SND1: variants seen among roughly 807,000 people sequenced by gnomAD.
SND1 encodes the protein staphylococcal nuclease and tudor domain containing 1, also known as staphylococcal nuclease domain-containing protein 1.
A neutral mutation model predicts 121.7 loss-of-function variants in SND1; 38 were observed. The ratio of observed to expected loss-of-function variants is 0.31; its 90% confidence interval spans 0.24 to 0.41. The LOEUF is 0.41. Ranked by LOEUF, SND1 falls within the 10% of genes least tolerant of loss-of-function variation. SND1 has a pLI of 1.00. For synonymous variants in SND1, 401 were observed against 447.4 expected, an observed-to-expected ratio of 0.90 and a Z score of 1.31; for missense variants, 868 against 1,184.6, an observed-to-expected ratio of 0.73 and a Z score of 3.92.
chr7:127,690,463 G>A (rs1795893820), intron 2 of SND1, among the ~76,000 whole-genome samples: 1 of 152,176 alleles, frequency 6.6e-6, no homozygotes, highest in African/African-American at 2.4e-5. Flanking sequence ...AGCACCTGCT[G>A]TCTTTTAAGA....
chr7:127,994,076 C>A (rs1044913555), intron 16 of SND1, among the ~76,000 whole-genome samples: 4 of 152,222 alleles, frequency 2.6e-5, no homozygotes, highest in African/African-American at 9.6e-5. Context: ...TGCAGGAGTT[C>A]CTGCCTGAAT....
chr7:127,780,867 GGT>G (rs1797707563), intron 10 of SND1, among the ~76,000 whole-genome samples: 1 of 152,216 alleles, frequency 6.6e-6, no homozygotes, highest in African/African-American at 2.4e-5. Flanking sequence ...AGTTGCCTAA[GGT>G]GTCCTATGGC....
At chr7:127,938,026 T>G (rs1801099099) in intron 15 of SND1, among the ~76,000 whole-genome samples, 1 of 152,246 alleles carries the variant, frequency 6.6e-6, no homozygotes, top group African/African-American at 2.4e-5. Context: ...ACTTAATGGA[T>G]ATTTGTAAAG....
intron 10 of SND1, among the ~76,000 whole-genome samples, chr7:127,729,187 C>G (rs939305825): frequency 5.9e-5 from 9 of 152,178 alleles, no homozygotes; most frequent in African/African-American, 2.2e-4. Context: ...AGCACCTCTA[C>G]TCTGATTCAG....
At chr7:127,653,664 C>T (rs1008415038) in intron 1 of SND1, among the ~76,000 whole-genome samples, 2 of 152,086 alleles carry the variant, frequency 1.3e-5, no homozygotes, top group African/African-American at 4.8e-5. Context: ...ATTTTATTAC[C>T]CTGTTATCTT....
At chr7:127,996,629 A>G (rs185120947) in intron 16 of SND1, among the ~76,000 whole-genome samples, 2 of 152,312 alleles carry the variant, frequency 1.3e-5, no homozygotes, top group Non-Finnish European at 2.9e-5. Flanking sequence ...AATCCAGTGC[A>G]ACCTACTCTC....
At chr7:127,873,824 T>A (rs1799640226) in intron 12 of SND1, among the ~76,000 whole-genome samples, 1 of 152,162 alleles carries the variant, frequency 6.6e-6, no homozygotes, top group African/African-American at 2.4e-5. Context: ...CTTTTTATTA[T>A]TCAGCTCTTG....
Position 128,089,663 on chromosome 7 carries a change from G to A in SND1, c.2593G>A (p.Val865Met), listed in dbSNP as rs1347113122. 1 of 1,614,032 alleles carries A rather than the reference G, an allele frequency of 6.2e-7. No homozygotes were observed. Among genetic ancestry groups the A allele is most frequent in the Non-Finnish European group, 8.5e-7 (1 of 1,180,034 alleles). The change falls in exon 22 of 24, where the codon GTG becomes ATG. Residue 865 changes from valine to methionine, a missense_variant. By Grantham distance (21) the Val-to-Met change is conservative. Transcript: ENST00000354725. ...GAAGGAAGGGCTGGTCATGGTGGAG[G>A]TGCGCAAGGAGAAACAGTTCCAGAA... ...LVKEGLVMVE[V>M]RKEKQFQKVI...
chr7:128,011,305 T>A (rs1226465663), intron 16 of SND1, among the ~76,000 whole-genome samples: 1 of 152,224 alleles, frequency 6.6e-6, no homozygotes, highest in African/African-American at 2.4e-5. Context: ...CCCAGGCAGC[T>A]GGTAACTACC....
At chr7:127,794,113 G>GA (rs1354311388) in intron 10 of SND1, among the ~76,000 whole-genome samples, 2 of 152,190 alleles carry the variant, frequency 1.3e-5, no homozygotes, top group Admixed American at 6.5e-5. Flanking sequence ...TAAAGTAAAA[G>GA]AAAGTCATCT....
rs761710132 is a variant in SND1, at chr7:127,652,405, C to G, written c.32C>G (p.Ser11Cys). The change falls in exon 1 of 24, where the codon TCC (serine) becomes TGC (cysteine). Residue 11 changes from serine to cysteine, a missense_variant. Physicochemically the swap from Ser to Cys is moderately radical, Grantham distance 112. Transcript: ENST00000354725. Reference protein sequence around the residue: MASSAQSGGSSGGPAVPTVQR... With the variant: MASSAQSGGSCGGPAVPTVQR... ...TCCTCCGCGCAGAGCGGCGGCTCCT[C>G]CGGGGGACCCGCGGTCCCCACCGTG... The G allele has an allele frequency of 1.3e-6, 2 of 1,596,794 alleles. No homozygotes were observed. Among genetic ancestry groups the G allele is most frequent in the South Asian group, 2.3e-5 (2 of 88,222 alleles).
At chr7:127,771,984 G>A (rs1298199359) in intron 10 of SND1, among the ~76,000 whole-genome samples, 1 of 152,146 alleles carries the variant, frequency 6.6e-6, no homozygotes, top group Admixed American at 6.5e-5. Flanking sequence ...ATCAGATAAT[G>A]TATGCAACAC....
intron 10 of SND1, among the ~76,000 whole-genome samples, chr7:127,764,898 G>C (rs187644495): frequency 6.6e-5 from 10 of 152,310 alleles, no homozygotes; most frequent in Admixed American, 6.5e-4. Flanking sequence ...TCAGAAACCA[G>C]GCAGTGGAAG....
At position 127,869,965 on chromosome 7, in the gene SND1, C is replaced by CT. The variant is rs527265021; in HGVS notation, c.1344-17936dup. On this transcript the variant is annotated intron_variant, in intron 12 of 23. Transcript: ENST00000354725. ...ATGCCCTTGAGATCCATGTAAGTCA[C>CT]TCCTTATATAGTTTGTTCTGGTTGA... Among the ~76,000 whole-genome samples the CT allele has an allele frequency of 2.5e-3, 380 of 152,238 alleles. 2 individuals are homozygous for CT. The highest frequency in any genetic ancestry group is 5.0e-3 in the South Asian group (24 of 4,820).
At chr7:127,939,976 G>A (rs1400731043) in intron 15 of SND1, among the ~76,000 whole-genome samples, 1 of 152,176 alleles carries the variant, frequency 6.6e-6, no homozygotes, top group African/African-American at 2.4e-5. Context: ...ATCCTGGATA[G>A]AAAATGAGGC....
chr7:128,082,556 G>C (rs1473901724), intron 18 of SND1, among the ~76,000 whole-genome samples: 1 of 152,228 alleles, frequency 6.6e-6, no homozygotes, highest in African/African-American at 2.4e-5. Flanking sequence ...AGGGGGAGGG[G>C]TAGAGATGGA....
intron 14 of SND1, among the ~76,000 whole-genome samples, chr7:127,916,763 T>C (rs544501102): frequency 6.6e-6 from 1 of 152,250 alleles, no homozygotes; most frequent in East Asian, 1.9e-4. Context: ...CAGTGGACAG[T>C]GCAATTCCAT....
At chr7:127,848,740 G>A (rs1799113114) in intron 12 of SND1, among the ~76,000 whole-genome samples, 9 of 152,214 alleles carry the variant, frequency 5.9e-5, no homozygotes, top group Admixed American at 5.2e-4. Context: ...AGAGGCAGAT[G>A]AGATGGTGTC....
At chr7:127,758,680 AC>A (rs1797242673) in intron 10 of SND1, among the ~76,000 whole-genome samples, 1 of 152,188 alleles carries the variant, frequency 6.6e-6, no homozygotes, top group African/African-American at 2.4e-5. Flanking sequence ...AATATTTTAA[AC>A]TAATATGTAA....
Sources: allele counts gnomAD v4.1 joint callset (sites outside exome capture counted in the v4.1 genomes callset), GRCh38; gene constraint gnomAD v4.1.1; transcripts MANE v1.5; gene names NCBI Gene and HGNC (gene_info 2026-07-23, HGNC 2026-07-21).